The following NEK11 variants were observed in gnomAD, a reference collection of about 807,000 sequenced individuals.
The protein encoded by NEK11 is NIMA related kinase 11.
NEK11 carries 72 observed loss-of-function variants against 80.7 expected under a neutral mutation model. The observed-to-expected ratio is 0.89, with a 90% CI of 0.74 to 1.08. The LOEUF is 1.08. NEK11 is among the 50% of genes least tolerant of loss of function. The pLI is 0.00. For missense variants in NEK11, 764 were observed against 763.6 expected, an observed-to-expected ratio of 1.00 and a Z score of -0.01; for synonymous variants, 251 against 260.7, an observed-to-expected ratio of 0.96 and a Z score of 0.36.
At chr3:131,336,157 C>G (rs1041626617) in intron 17 of NEK11, among the ~76,000 whole-genome samples, 3 of 152,164 alleles carry the variant, frequency 2.0e-5, no homozygotes, top group African/African-American at 4.8e-5. Context: ...GCCCGCATCA[C>G]CAAGTCAATC....
At chr3:131,243,540 G>A in intron 16 of NEK11, 44 bp downstream of exon 16, 1 of 1,471,690 alleles carries the variant, frequency 6.8e-7, no homozygotes, top group South Asian at 1.1e-5. Context: ...GACAGCTACT[G>A]ATTATCTTGG....
intron 3 of NEK11, among the ~76,000 whole-genome samples, chr3:131,073,807 A>G (rs1211181359): frequency 6.6e-6 from 1 of 152,164 alleles, no homozygotes; most frequent in East Asian, 1.9e-4. Flanking sequence ...TTTCTTATGC[A>G]TGGACTCAGC....
Position 131,289,618 on chromosome 3 carries a change from C to T in NEK11, c.1718+16044C>T, listed in dbSNP as rs375736834. Among the ~76,000 whole-genome samples, 10 of 152,240 alleles carry T rather than the reference C, an allele frequency of 6.6e-5. No individual in the cohort carries two copies. In the East Asian group the frequency reaches 1.7e-3, roughly 26 times the overall value. ...TGTAACCTTTTTTGCTTAGTGTCAC[C>T]TGTGACAGATAAAGAGGACAAGCCT... On this transcript the variant is annotated intron_variant, in intron 17 of 17. Coordinates refer to ENST00000383366, the MANE Select transcript of NEK11 (RefSeq NM_024800.5).
intron 7 of NEK11, among the ~76,000 whole-genome samples, chr3:131,140,152 C>A (rs554434155): frequency 2.0e-5 from 3 of 152,076 alleles, no homozygotes; most frequent in African/African-American, 7.2e-5. Context: ...TTGGGTAAGC[C>A]TGTGATTATG....
rs191113406 is a variant in NEK11, at chr3:131,341,461, G to A, written c.1719-8096G>A. On this transcript the variant is annotated intron_variant, in intron 17 of 17. Transcript: ENST00000383366. ...ATTGTCTAGCACATGGTCAGTTTTC[G>A]CAAATGTTACATGAGAGCCTGGGAA... 7.9e-3 allele frequency among the ~76,000 whole-genome samples: 1,200 copies of A among 152,184 alleles called. 10 individuals carry two copies. The highest frequency in any genetic ancestry group is 0.011 in the Non-Finnish European group (739 of 67,998).
At chr3:131,091,133 A>G (rs1020066236) in intron 4 of NEK11, among the ~76,000 whole-genome samples, 1 of 152,232 alleles carries the variant, frequency 6.6e-6, no homozygotes, top group African/African-American at 2.4e-5. Flanking sequence ...TAAAATGGAA[A>G]TAGGAAGAAT....
chr3:131,077,260 CA>C (rs1457261884), intron 3 of NEK11, among the ~76,000 whole-genome samples: 1 of 152,100 alleles, frequency 6.6e-6, no homozygotes, highest in Non-Finnish European at 1.5e-5. Flanking sequence ...GAGCAAGTGA[CA>C]AACTGTCCCT....
chr3:131,037,535 G>T (rs2065837090), intron 3 of NEK11, among the ~76,000 whole-genome samples: 1 of 152,178 alleles, frequency 6.6e-6, no homozygotes, highest in Non-Finnish European at 1.5e-5. Flanking sequence ...ACCTGCCTTG[G>T]TCTCCCAAAG....
At chr3:131,291,371 A>T (rs2096541863) in intron 17 of NEK11, among the ~76,000 whole-genome samples, 2 of 152,194 alleles carry the variant, frequency 1.3e-5, no homozygotes, top group African/African-American at 4.8e-5. Context: ...GACAACTATA[A>T]ATAAAGCTGC....
chr3:131,048,625 A>T (rs1384846531), intron 3 of NEK11, among the ~76,000 whole-genome samples: 1 of 152,182 alleles, frequency 6.6e-6, no homozygotes, highest in Non-Finnish European at 1.5e-5. Flanking sequence ...TTGGGCACTC[A>T]GAGTGTTTTG....
At chr3:131,156,689 TACTTTGG>T (rs2090696738) in intron 10 of NEK11, among the ~76,000 whole-genome samples, 1 of 152,188 alleles carries the variant, frequency 6.6e-6, no homozygotes, top group African/African-American at 2.4e-5. Context: ...TACTCTGTAT[TACTTTGG>T]ACAAGTTACT....
At chr3:131,114,969 G>C (rs1159642965) in intron 5 of NEK11, among the ~76,000 whole-genome samples, 2 of 152,228 alleles carry the variant, frequency 1.3e-5, no homozygotes, top group African/African-American at 4.8e-5. Context: ...TTATATATAT[G>C]ATGGTTGATT....
At chr3:131,339,658 C>T (rs2097256389) in intron 17 of NEK11, among the ~76,000 whole-genome samples, 1 of 152,210 alleles carries the variant, frequency 6.6e-6, no homozygotes, top group Admixed American at 6.5e-5. Context: ...CTTCTGGAAA[C>T]TCACTTCACA....
chr3:131,330,222 C>T (rs1195367066), intron 17 of NEK11: 8 of 152,128 alleles, frequency 5.3e-5, no homozygotes, highest in Admixed American at 3.3e-4. Flanking sequence ...TGAAAAGGAA[C>T]TGAGATAAAC....
At chr3:131,184,289 T>C (rs1230528885) in intron 14 of NEK11, among the ~76,000 whole-genome samples, 1 of 152,188 alleles carries the variant, frequency 6.6e-6, no homozygotes, top group Non-Finnish European at 1.5e-5. Context: ...ATCAGTAGCA[T>C]CCTGAGAATT....
intron 17 of NEK11, among the ~76,000 whole-genome samples, chr3:131,320,627 CT>C (rs2096887926): frequency 6.6e-6 from 1 of 151,992 alleles, no homozygotes; most frequent in Non-Finnish European, 1.5e-5. Context: ...AAAAAGAAAG[CT>C]TAGTATTTCA....
intron 17 of NEK11, among the ~76,000 whole-genome samples, chr3:131,320,817 G>T (rs2096889782): frequency 6.6e-6 from 1 of 152,038 alleles, no homozygotes; most frequent in Admixed American, 6.6e-5. Context: ...TCTCTACAGA[G>T]AGAACTACAA....
intron 16 of NEK11, among the ~76,000 whole-genome samples, chr3:131,269,864 A>G (rs2096144880): frequency 2.6e-5 from 4 of 152,214 alleles, no homozygotes; most frequent in Admixed American, 2.6e-4. Flanking sequence ...GTTTCATAAA[A>G]TTTTATCTTT....
intron 4 of NEK11, among the ~76,000 whole-genome samples, chr3:131,087,235 CTTTT>C (rs59630167): frequency 2.5e-5 from 2 of 81,198 alleles, no homozygotes; most frequent in Non-Finnish European, 2.3e-5. Flanking sequence ...TATGCAAATT[CTTTT>C]TTTTTTTTTT....
Sources: allele counts gnomAD v4.1 joint callset (sites outside exome capture counted in the v4.1 genomes callset), GRCh38; gene constraint gnomAD v4.1.1; transcripts MANE v1.5; gene names NCBI Gene and HGNC (gene_info 2026-07-23, HGNC 2026-07-21).